KIAA1671: variants seen among roughly 807,000 people sequenced by gnomAD.
The protein encoded by KIAA1671 is uncharacterized protein KIAA1671.
A neutral mutation model predicts 131.2 loss-of-function variants in KIAA1671; 52 were observed. The ratio of observed to expected loss-of-function variants is 0.40; its 90% CI spans 0.32 to 0.50. The LOEUF (loss-of-function observed/expected upper bound fraction) is 0.50, where lower values mean the gene tolerates loss of function less well. Ranked by LOEUF, KIAA1671 falls within the 20% of genes least tolerant of loss-of-function variation. KIAA1671 has a pLI of 0.73. For missense variants in KIAA1671, 2,360 were observed against 2,364.2 expected (o/e 1.00, Z 0.04); for synonymous variants, 1,003 against 961.6 (o/e 1.04, Z -0.80).
intron 1 of KIAA1671, among the ~76,000 whole-genome samples, chr22:24,999,235 CAGAG>C (rs35382875): frequency 5.0e-4 from 75 of 150,452 alleles, no homozygotes; most frequent in African/African-American, 1.8e-3. Flanking sequence ...GTATAGTATA[CAGAG>C]AGAGAGAGAG....
intron 3 of KIAA1671, 116 bp from the exon 4 acceptor site, chr22:25,032,493 G>A: frequency 1.7e-6 from 1 of 580,122 alleles, no homozygotes; most frequent in Non-Finnish European, 3.1e-6. Flanking sequence ...CTTTTGGTAA[G>A]TGGAAAGGAA....
intron 6 of KIAA1671, among the ~76,000 whole-genome samples, chr22:25,105,052 C>G (rs1930922032): frequency 6.6e-6 from 1 of 151,316 alleles, no homozygotes; most frequent in Non-Finnish European, 1.5e-5. Flanking sequence ...GAGACTGAGT[C>G]TCGCTCTGTT....
chr22:25,185,072 G>C lies in KIAA1671; in HGVS notation c.5295G>C (p.Gly1765=), dbSNP rs1934427334. Residue 1765 remains glycine (G), a synonymous_variant, in exon 11 of 13, where the codon GGG becomes GGC. Transcript: ENST00000358431. ...GCCCCAAGTCCCCCTTCCAGCCTGGGGTGCTGGGCAGTCGCGTGCTGCCTT... is the reference window on the plus strand; with the variant it reads ...GCCCCAAGTCCCCCTTCCAGCCTGGCGTGCTGGGCAGTCGCGTGCTGCCTT... ...PKSPKSPFQP[G]VLGSRVLPSS... The C allele has an allele frequency of 1.1e-5, 17 of 1,551,556 alleles. No individual in the cohort carries two copies. The highest frequency in any genetic ancestry group is 1.4e-5 in the Non-Finnish European group (16 of 1,146,992).
In KIAA1671 at chr22:25,048,098, G is replaced by A. The variant is rs934994939; in HGVS notation, c.4396-1132G>A. On this transcript the variant is annotated intron_variant, in intron 5 of 12. Transcript: ENST00000358431. ...TGGGGAGGAGAATGGAGGGCAACCC[G>A]AAGGTCTTGGCCTCCCCAGCTGGGG... Among the ~76,000 whole-genome samples the A allele has an allele frequency of 3.3e-5, 5 of 152,312 alleles. No homozygotes were observed. The East Asian group carries it at 5.8e-4, about 18-fold the overall frequency.
At chr22:25,076,668 G>A (rs774578255) in intron 6 of KIAA1671, among the ~76,000 whole-genome samples, 3 of 152,328 alleles carry the variant, frequency 2.0e-5, no homozygotes, top group Non-Finnish European at 1.5e-5. Flanking sequence ...AGATAACCTC[G>A]CCAGACGGTC....
At position 25,196,801 on chromosome 22, in the gene KIAA1671, CA is replaced by C. The variant is rs1040171758; in HGVS notation, c.*4404del. The C allele has an allele frequency of 1.6e-4, 24 of 151,928 alleles. No homozygotes were observed. The allele number at this position is 151,928 out of a possible 1,614,324, so 9.4% of individuals were successfully genotyped here. On this transcript the variant is annotated 3_prime_UTR_variant, in exon 13 of 13. Coordinates refer to ENST00000358431, the MANE Select transcript of KIAA1671 (RefSeq NM_001145206.2). ...TAGATCCTGTAAATAGGGGGGGTCA[CA>C]AAAGTAATATATTGTGTTATGGAAG...
At chr22:25,183,494 C>T (rs1356586822) in intron 10 of KIAA1671, among the ~76,000 whole-genome samples, 3 of 120,178 alleles carry the variant, frequency 2.5e-5, no homozygotes, top group African/African-American at 9.2e-5. Context: ...CTTTCTCCTT[C>T]CTTCCTTCCT....
intron 7 of KIAA1671, among the ~76,000 whole-genome samples, chr22:25,171,828 G>A (rs181529347): frequency 5.3e-4 from 81 of 152,248 alleles, no homozygotes; most frequent in African/African-American, 2.0e-3. Context: ...ATGGGGAGTG[G>A]CTGCTTCGTG....
chr22:25,110,570 T>G (rs1931278025), intron 6 of KIAA1671, among the ~76,000 whole-genome samples: 1 of 152,188 alleles, frequency 6.6e-6, no homozygotes, highest in African/African-American at 2.4e-5. Flanking sequence ...GGATCCCTGC[T>G]AGAAGGAGAA....
At chr22:24,972,347 C>T (rs559244130) in intron 1 of KIAA1671, among the ~76,000 whole-genome samples, 1 of 152,312 alleles carries the variant, frequency 6.6e-6, no homozygotes, top group South Asian at 2.1e-4. Context: ...ATGGTCAGAA[C>T]TACCCATTCA....
chr22:25,167,446 G>C (rs893341766), intron 6 of KIAA1671, among the ~76,000 whole-genome samples: 1 of 152,240 alleles, frequency 6.6e-6, no homozygotes, highest in Non-Finnish European at 1.5e-5. Flanking sequence ...CCCAGCACTT[G>C]GGGACTGGTT....
chr22:25,132,454 C>T lies in KIAA1671; in HGVS notation c.4531-38366C>T, dbSNP rs187891357. ...AAAAACCCCAGATCAAATCCCAGAT[C>T]TGCCAGTTACCTCCTGAGCGACCCG... On this transcript the variant is annotated intron_variant, in intron 6 of 12. Transcript: ENST00000358431. 2.9e-3 allele frequency among the ~76,000 whole-genome samples: 446 copies of T among 152,338 alleles called. 5 individuals carry two copies. Among genetic ancestry groups the T allele is most frequent in the Admixed American group, 7.0e-3 (107 of 15,302 alleles).
At chr22:25,038,327 A>G (rs1430409393) in intron 4 of KIAA1671, among the ~76,000 whole-genome samples, 7 of 152,276 alleles carry the variant, frequency 4.6e-5, no homozygotes, top group African/African-American at 1.7e-4. Flanking sequence ...TGTGGTAACA[A>G]ATGCCTGTGC....
intron 1 of KIAA1671, among the ~76,000 whole-genome samples, chr22:24,981,090 T>TGTG (rs1555949694): frequency 1.4e-4 from 18 of 124,990 alleles, no homozygotes; most frequent in African/African-American, 3.1e-4. Context: ...GTGTGTGTGT[T>TGTG]TTTACTGTAT....
intron 1 of KIAA1671, among the ~76,000 whole-genome samples, chr22:24,988,979 T>C (rs1923696026): frequency 6.6e-6 from 1 of 152,182 alleles, no homozygotes; most frequent in Non-Finnish European, 1.5e-5. Flanking sequence ...GGAGCTGGGA[T>C]TGGAATCCAG....
chr22:25,032,862 C>T (rs1453506546), intron 4 of KIAA1671, among the ~76,000 whole-genome samples, 166 bp downstream of exon 4: 1 of 152,130 alleles, frequency 6.6e-6, no homozygotes, highest in Non-Finnish European at 1.5e-5. Context: ...TCCCTTTTGG[C>T]ATGAAGAGTT....
intron 1 of KIAA1671, among the ~76,000 whole-genome samples, chr22:25,018,663 G>T (rs1477335280): frequency 1.3e-5 from 2 of 152,128 alleles, no homozygotes; most frequent in Admixed American, 6.5e-5. Flanking sequence ...TACAGTATTT[G>T]TCCTTACATG....
chr22:24,961,529 C>T (rs1922016674), intron 1 of KIAA1671, among the ~76,000 whole-genome samples: 1 of 152,222 alleles, frequency 6.6e-6, no homozygotes, highest in African/African-American at 2.4e-5. Flanking sequence ...ACCAGCAAGG[C>T]TGGCCCTAGG....
chr22:25,119,596 A>G (rs1931839898), intron 6 of KIAA1671, among the ~76,000 whole-genome samples: 1 of 152,234 alleles, frequency 6.6e-6, no homozygotes, highest in Non-Finnish European at 1.5e-5. Flanking sequence ...GAACAAAGAA[A>G]GTACTCTCAG....
Sources: allele counts gnomAD v4.1 joint callset (sites outside exome capture counted in the v4.1 genomes callset), GRCh38; gene constraint gnomAD v4.1.1; transcripts MANE v1.5; gene names NCBI Gene and HGNC (gene_info 2026-07-23, HGNC 2026-07-21).